Variants in EPHB2 observed in about 807,000 individuals in gnomAD.
EPHB2 encodes the protein ephrin type-B receptor 2.
In EPHB2, 18 loss-of-function variants were observed where a neutral mutation model predicts 96.4. The ratio of observed to expected loss-of-function variants is 0.19; its 90% CI spans 0.13 to 0.28. The LOEUF is 0.28. Among genes scored for constraint, EPHB2 ranks in the 10% least tolerant of loss-of-function variants. The pLI, the probability that EPHB2 is intolerant of heterozygous loss-of-function variation, is 1.00. For synonymous variants in EPHB2, 506 were observed against 534.1 expected (o/e 0.95, Z 0.72); for missense variants, 989 against 1,355.4 (o/e 0.73, Z 4.25).
At chr1:22,767,729 C>T (rs1451425804) in intron 1 of EPHB2, among the ~76,000 whole-genome samples, 6 of 152,188 alleles carry the variant, frequency 3.9e-5, no homozygotes, top group African/African-American at 7.2e-5. Context: ...TTCTCCACCT[C>T]GAAGGCTCTC....
intron 1 of EPHB2, among the ~76,000 whole-genome samples, chr1:22,767,780 C>T (rs1320673878): frequency 6.6e-6 from 1 of 152,186 alleles, no homozygotes; most frequent in Non-Finnish European, 1.5e-5. Flanking sequence ...CCCCACCAGC[C>T]CCCATTCCAG....
chr1:22,835,164 A>T (rs1322280015), intron 3 of EPHB2, among the ~76,000 whole-genome samples: 1 of 152,060 alleles, frequency 6.6e-6, no homozygotes, highest in African/African-American at 2.4e-5. Context: ...AGATTGCTTG[A>T]GTCCAGGAGT....
At chr1:22,811,403 T>C (rs903281736) in intron 3 of EPHB2, among the ~76,000 whole-genome samples, 4 of 152,184 alleles carry the variant, frequency 2.6e-5, no homozygotes, top group Non-Finnish European at 5.9e-5. Context: ...ATACTTACGA[T>C]GTCCAGGCCA....
At chr1:22,887,984 T>C (rs370931196) in intron 6 of EPHB2, among the ~76,000 whole-genome samples, 6 of 152,184 alleles carry the variant, frequency 3.9e-5, no homozygotes, top group African/African-American at 9.6e-5. Context: ...CATCCATCCA[T>C]TTAATGAACA....
At chr1:22,847,199 G>T (rs560416651) in intron 3 of EPHB2, among the ~76,000 whole-genome samples, 69 of 152,328 alleles carry the variant, frequency 4.5e-4, no homozygotes, top group African/African-American at 1.6e-3. Context: ...AGTCTTCACT[G>T]CAGGTAAGTC....
At chr1:22,849,844 C>T (rs1205370852) in intron 3 of EPHB2, among the ~76,000 whole-genome samples, 1 of 152,216 alleles carries the variant, frequency 6.6e-6, no homozygotes, top group Non-Finnish European at 1.5e-5. Context: ...CCTGCACAGG[C>T]CCAGGCCTGC....
chr1:22,878,412 A>C (rs1341444588), intron 5 of EPHB2, among the ~76,000 whole-genome samples: 1 of 152,186 alleles, frequency 6.6e-6, no homozygotes, highest in Non-Finnish European at 1.5e-5. Flanking sequence ...TTTAGTTGAA[A>C]AACAGTATGC....
chr1:22,780,149 C>T (rs191156928), intron 1 of EPHB2, among the ~76,000 whole-genome samples: 31 of 152,274 alleles, frequency 2.0e-4, no homozygotes, highest in East Asian at 1.4e-3. Context: ...TAAATTCATT[C>T]GGTGTATTGC....
At position 22,793,985 on chromosome 1, in the gene EPHB2, A is replaced by G. The variant is rs143772100; in HGVS notation, c.811+8909A>G. Among the ~76,000 whole-genome samples the G allele has an allele frequency of 7.6e-3, 1,159 of 152,228 alleles. 13 individuals carry two copies. The highest frequency in any genetic ancestry group is 0.027 in the African/African-American group (1,105 of 41,506). On this transcript the variant is annotated intron_variant, in intron 3 of 15. Transcript: ENST00000374630. ...TGAATGTACTCACCTTTTATACCTG[A>G]GGCCCATGTCTTATCCACATGGTCA...
intron 8 of EPHB2, among the ~76,000 whole-genome samples, chr1:22,896,157 C>A (rs886921811): frequency 6.6e-6 from 1 of 152,108 alleles, no homozygotes; most frequent in African/African-American, 2.4e-5. Flanking sequence ...TTTCTGGGGC[C>A]AGAAGCCGTG....
At chr1:22,837,173 G>A (rs926213496) in intron 3 of EPHB2, among the ~76,000 whole-genome samples, 5 of 152,202 alleles carry the variant, frequency 3.3e-5, no homozygotes, top group African/African-American at 9.6e-5. Flanking sequence ...CCCAACCAGA[G>A]GGTCCTAATT....
At chr1:22,806,808 C>T (rs1270720376) in intron 3 of EPHB2, among the ~76,000 whole-genome samples, 1 of 152,252 alleles carries the variant, frequency 6.6e-6, no homozygotes, top group Non-Finnish European at 1.5e-5. Flanking sequence ...TAATTAAAGA[C>T]AATTAGTGCT....
At chr1:22,730,664 TGAG>T (rs1301992149) in intron 1 of EPHB2, among the ~76,000 whole-genome samples, 2 of 150,736 alleles carry the variant, frequency 1.3e-5, no homozygotes, top group Admixed American at 6.6e-5. Flanking sequence ...TTTCAGGCAG[TGAG>T]GAGAGCTGGG....
chr1:22,750,937 C>T (rs1644052615), intron 1 of EPHB2, among the ~76,000 whole-genome samples: 2 of 152,222 alleles, frequency 1.3e-5, no homozygotes, highest in Admixed American at 6.5e-5. Flanking sequence ...AGCCCATGCT[C>T]TTAAGCATCT....
intron 3 of EPHB2, among the ~76,000 whole-genome samples, chr1:22,844,779 G>T (rs986790963): frequency 4.6e-5 from 7 of 152,182 alleles, no homozygotes. Flanking sequence ...CTATAGCCTG[G>T]GGCCAGCATC....
chr1:22,826,097 G>A (rs750647413), intron 3 of EPHB2, among the ~76,000 whole-genome samples: 10 of 152,216 alleles, frequency 6.6e-5, no homozygotes, highest in Non-Finnish European at 1.2e-4. Context: ...CTGAGCAGGA[G>A]AGTAGCTAGA....
chr1:22,724,370 AC>A (rs1643536039), intron 1 of EPHB2, among the ~76,000 whole-genome samples: 1 of 152,086 alleles, frequency 6.6e-6, no homozygotes, highest in African/African-American at 2.4e-5. Context: ...CAGCTCTCTA[AC>A]CCCTGTTTTA....
At position 22,815,539 on chromosome 1, in the gene EPHB2, C is replaced by T. The variant is rs554405368; in HGVS notation, c.811+30463C>T. 3.8e-3 allele frequency among the ~76,000 whole-genome samples: 582 copies of T among 152,338 alleles called. 3 individuals are homozygous for T. The highest frequency in any genetic ancestry group is 0.013 in the African/African-American group (554 of 41,588). Reference sequence around the variant, plus strand: ...CAGGATCAGGCCGTGTTGGGTGCAGCCAGCCCACGCTGGAGGCTGGCCTGA... The same window carrying T: ...CAGGATCAGGCCGTGTTGGGTGCAGTCAGCCCACGCTGGAGGCTGGCCTGA... On this transcript the variant is annotated intron_variant, in intron 3 of 15. Coordinates refer to ENST00000374630, the MANE Select transcript of EPHB2 (RefSeq NM_017449.5).
chr1:22,718,479 G>A (rs371845824), intron 1 of EPHB2, among the ~76,000 whole-genome samples: 67 of 148,576 alleles, frequency 4.5e-4, no homozygotes, highest in African/African-American at 1.5e-3. Context: ...TCTGCCTCCC[G>A]GGTTCAAGAG....
Sources: allele counts gnomAD v4.1 joint callset (sites outside exome capture counted in the v4.1 genomes callset), GRCh38; gene constraint gnomAD v4.1.1; transcripts MANE v1.5; gene names NCBI Gene and HGNC (gene_info 2026-07-23, HGNC 2026-07-21).